LIPT1: variants seen among roughly 807,000 people sequenced by gnomAD.
LIPT1 encodes the protein lipoyltransferase 1.
A neutral mutation model predicts 25.1 loss-of-function variants in LIPT1; 22 were observed. The ratio of observed to expected loss-of-function variants is 0.88; its 90% CI spans 0.63 to 1.25. The LOEUF (loss-of-function observed/expected upper bound fraction) is 1.25. LIPT1 is among the 50% of genes most tolerant of loss of function. The probability of loss-of-function intolerance (pLI) is 0.00; values close to 1 mark genes in which losing one functional copy is unlikely to be tolerated. For synonymous variants in LIPT1, 131 were observed against 150.8 expected, an observed-to-expected ratio of 0.87 and a Z score of 0.96; for missense variants, 399 against 432.8, an observed-to-expected ratio of 0.92 and a Z score of 0.69.
chr2:99,158,878 A>C (rs1003963017), intron 1 of LIPT1, among the ~76,000 whole-genome samples: 1 of 152,026 alleles, frequency 6.6e-6, no homozygotes, highest in African/African-American at 2.4e-5. Flanking sequence ...AGTATCTCCC[A>C]CTAGATTGTG....
At position 99,162,021 on chromosome 2, in the gene LIPT1, G is replaced by A; in HGVS notation, c.64G>A (p.Ala22Thr). The change falls in exon 2 of 2, where the codon GCT becomes ACT. Residue 22 changes from alanine (A) to threonine (T), a missense_variant. By Grantham distance (58) the Ala-to-Thr change is moderately conservative. Transcript: ENST00000651691. ...QLLCNCQVPA[A>T]GFKKTVKNGL... Reference sequence around the variant, plus strand: ...ACTTTGTAACTGCCAGGTCCCAGCAGCTGGCTTTAAAAAAACAGTAAAAAA... The same window carrying A: ...ACTTTGTAACTGCCAGGTCCCAGCAACTGGCTTTAAAAAAACAGTAAAAAA... 1 of 1,613,788 alleles carries A rather than the reference G, an allele frequency of 6.2e-7. No individual in the cohort carries two copies. Among genetic ancestry groups the A allele is most frequent in the Non-Finnish European group, 8.5e-7 (1 of 1,179,830 alleles).
chr2:99,155,455 A>G (rs1292540429), intron 1 of LIPT1: 1 of 455,672 alleles, frequency 2.2e-6, no homozygotes, highest in South Asian at 1.5e-5. Context: ...AGAAAGATAG[A>G]TGGGATTGTG....
chr2:99,162,842 A>C lies in LIPT1; in HGVS notation c.885A>C (p.Glu295Asp), dbSNP rs900402356. Residue 295 changes from glutamate (E) to aspartate (D), a missense_variant, in exon 2 of 2, where the codon GAA becomes GAC. Transcript: ENST00000651691. ...FHVLYEQSHL[E>D]IKVFIDIKNG... ...TGTTATATGAACAGTCACACTTGGAAATTAAAGTATTCATAGACATAAAGA... is the reference window on the plus strand; with the variant it reads ...TGTTATATGAACAGTCACACTTGGACATTAAAGTATTCATAGACATAAAGA... 4.3e-6 allele frequency: 7 copies of C among 1,613,724 alleles called. No homozygotes were observed. The highest frequency in any genetic ancestry group is 4.2e-6 in the Non-Finnish European group (5 of 1,179,708).
chr2:99,162,175 T>C lies in LIPT1; in HGVS notation c.218T>C (p.Val73Ala). ...LFFWQNSPSV[V>A]IGRHQNPWQE... is the part of the protein sequence containing the mutation. ...TTTTGGCAGAATTCTCCCTCTGTTG[T>C]AATTGGTAGGCATCAAAATCCTTGG... Residue 73 changes from valine (V) to alanine (A), a missense_variant, in exon 2 of 2, where the codon GTA (valine) becomes GCA (alanine). Coordinates refer to ENST00000651691, the MANE Select transcript of LIPT1 (RefSeq NM_145199.3). 1.2e-6 allele frequency: 2 copies of C among 1,614,056 alleles called. No individual in the cohort carries two copies. Among genetic ancestry groups the C allele is most frequent in the Non-Finnish European group, 1.7e-6 (2 of 1,179,944 alleles).
rs769524315 is a variant in LIPT1 at position 99,162,454 on chromosome 2, C to T, written c.497C>T (p.Ala166Val). 6.2e-7 allele frequency: 1 copy of T among 1,614,006 alleles called. No individual in the cohort carries two copies. Among genetic ancestry groups the T allele is most frequent in the Admixed American group, 1.7e-5 (1 of 60,022 alleles). The stretch of plus-strand genomic sequence containing the variant: ...GGACAGTTTAAAATCTCAGGAACAG[C>T]TTCTAAGATCGGCCGGACTACTGCC... ...LDGQFKISGT[A>V]SKIGRTTAYH... The change falls in exon 2 of 2, where the codon GCT (alanine) becomes GTT (valine). Residue 166 changes from alanine (A) to valine (V), a missense_variant. By Grantham distance (64) the Ala-to-Val change is moderately conservative. Transcript: ENST00000651691.
In LIPT1 at chr2:99,162,263, A is replaced by G. The variant is rs376450888; in HGVS notation, c.306A>G (p.Gly102=). The G allele has an allele frequency of 1.2e-6, 2 of 1,613,208 alleles. No individual in the cohort carries two copies. Among genetic ancestry groups the G allele is most frequent in the Middle Eastern group, 1.6e-4 (1 of 6,062 alleles). The stretch of plus-strand genomic sequence containing the variant: ...TAAAACTGGCTCGGAGAAGAAGTGG[A>G]GGAGGAACAGTCTACCATGATATGG... ...EGIKLARRRS[G]GGTVYHDMGN... is the part of the protein sequence containing the mutation. Residue 102 remains glycine, a synonymous_variant, in exon 2 of 2, where the codon GGA becomes GGG. Transcript: ENST00000651691.
At chr2:99,161,822 TA>T in intron 1 of LIPT1, 134 bp from the exon 2 acceptor site, 1 of 660,242 alleles carries the variant, frequency 1.5e-6, no homozygotes, top group Non-Finnish European at 2.5e-6. Context: ...AGACTAATTG[TA>T]AAGCTAAAAG....
At chr2:99,159,225 G>A (rs1225817008) in intron 1 of LIPT1, among the ~76,000 whole-genome samples, 3 of 152,026 alleles carry the variant, frequency 2.0e-5, no homozygotes, top group East Asian at 3.9e-4. Context: ...CACCATGCCC[G>A]GCTAATTTTT....
At position 99,155,547 on chromosome 2, in the gene LIPT1, A is replaced by G. The variant is rs78674009; in HGVS notation, c.-2+496A>G. Reference sequence around the variant, plus strand: ...GAAGTGTCCCAAGAACATGGAAGGTAAGGAAGTCTTCCGAGGAAAAACTTC... The same window carrying G: ...GAAGTGTCCCAAGAACATGGAAGGTGAGGAAGTCTTCCGAGGAAAAACTTC... On this transcript the variant is annotated intron_variant, in intron 1 of 1. Transcript: ENST00000651691. The G allele has an allele frequency of 1.2e-3, 533 of 455,424 alleles. 2 individuals are homozygous for G. Among genetic ancestry groups the G allele is most frequent in the Non-Finnish European group, 1.5e-3 (333 of 226,710 alleles). 28.2% of individuals were successfully genotyped at this position (455,424 alleles called of 1,614,324 possible). A position where few individuals can be genotyped will look rare whatever the true frequency, so the allele number is the denominator to read the frequency against.
At position 99,162,885 on chromosome 2, in the gene LIPT1, T is replaced by C; in HGVS notation, c.928T>C (p.Cys310Arg). Residue 310 changes from cysteine (C) to arginine (R), a missense_variant, in exon 2 of 2, where the codon TGT becomes CGT. Transcript: ENST00000651691. The stretch of plus-strand genomic sequence containing the variant: ...CATAAAGAATGGAAGAATTGAAATT[T>C]GTAATATTGAAGCACCTGATCATTG... ...IDIKNGRIEI[C>R]NIEAPDHWLP... 6.2e-7 allele frequency: 1 copy of C among 1,612,950 alleles called. No individual in the cohort carries two copies. Among genetic ancestry groups the C allele is most frequent in the South Asian group, 1.1e-5 (1 of 90,948 alleles).
At chr2:99,161,348 T>G (rs866093949) in intron 1 of LIPT1, 5 of 112,696 alleles carry the variant, frequency 4.4e-5, no homozygotes, top group South Asian at 2.9e-4. Context: ...AGATTGAATG[T>G]CGAATGAAAT....
Position 99,162,599 on chromosome 2 carries a change from T to C in LIPT1, c.642T>C (p.Asn214=), listed in dbSNP as rs760068425. The C allele has an allele frequency of 6.2e-7, 1 of 1,614,102 alleles. No individual in the cohort carries two copies. The highest frequency in any genetic ancestry group is 8.5e-7 in the Non-Finnish European group (1 of 1,180,030). Residue 214 remains asparagine, a synonymous_variant, in exon 2 of 2, where the codon AAT becomes AAC. Coordinates refer to ENST00000651691, the MANE Select transcript of LIPT1 (RefSeq NM_145199.3). ...CTAGCATACCTTCCTTAGTGAAAAATCTTTTGGAAAAGGATCCCACTCTGA... is the reference window on the plus strand; with the variant it reads ...CTAGCATACCTTCCTTAGTGAAAAACCTTTTGGAAAAGGATCCCACTCTGA... ...ATASIPSLVK[N]LLEKDPTLTC...
chr2:99,156,462 C>A (rs1336459369), intron 1 of LIPT1: 1 of 152,272 alleles, frequency 6.6e-6, no homozygotes, highest in Non-Finnish European at 1.5e-5. Flanking sequence ...CGGGGTTTCA[C>A]CATGTTGGCC....
At chr2:99,157,741 C>T (rs1021215540) in intron 1 of LIPT1, among the ~76,000 whole-genome samples, 1 of 152,186 alleles carries the variant, frequency 6.6e-6, no homozygotes, top group African/African-American at 2.4e-5. Context: ...TTCTGTATGT[C>T]CGTTAAATGT....
intron 1 of LIPT1, among the ~76,000 whole-genome samples, chr2:99,161,203 G>C (rs1396025923): frequency 7.4e-6 from 1 of 135,322 alleles, no homozygotes; most frequent in Non-Finnish European, 1.5e-5. Flanking sequence ...GGTGAGCCAA[G>C]ATCACGCCAC....
At chr2:99,161,872 A>T in intron 1 of LIPT1, 85 bp from the exon 2 acceptor site, 1 of 1,252,286 alleles carries the variant, frequency 8.0e-7, no homozygotes, top group Non-Finnish European at 1.1e-6. Flanking sequence ...GTTTGGATTA[A>T]ATAACCGATA....
In LIPT1 at chr2:99,155,079, G is replaced by C. The variant is rs1279018428; in HGVS notation, c.-2+28G>C. On this transcript the variant is annotated intron_variant, in intron 1 of 1. Transcript: ENST00000651691. ...GGGTGAAGCGGAAACGCTTCAAACCGGGATGTTGCGGGCCGTAGCGCGTGG... is the reference window on the plus strand; with the variant it reads ...GGGTGAAGCGGAAACGCTTCAAACCCGGATGTTGCGGGCCGTAGCGCGTGG... 2.0e-5 allele frequency: 9 copies of C among 454,816 alleles called. No individual in the cohort carries two copies. The Admixed American group carries it at 2.1e-4, about 11-fold the overall frequency. The allele number at this position is 454,816 out of a possible 1,614,324, so 28.2% of individuals were successfully genotyped here.
chr2:99,162,774 T>G lies in LIPT1; in HGVS notation c.817T>G (p.Tyr273Asp). 1 of 1,614,134 alleles carries G rather than the reference T, an allele frequency of 6.2e-7. No individual in the cohort carries two copies. Among genetic ancestry groups the G allele is most frequent in the Non-Finnish European group, 8.5e-7 (1 of 1,179,962 alleles). Residue 273 changes from tyrosine to aspartate, a missense_variant, in exon 2 of 2, where the codon TAT (tyrosine) becomes GAT (aspartate). By Grantham distance (160) the Tyr-to-Asp change is radical (BLOSUM62 -3). Transcript: ENST00000651691. Reference sequence around the variant, plus strand: ...AGAACTGCAAACTTGGGAGTGGATATATGGCAAAACTCCAAAGTTTAGTAT... The same window carrying G: ...AGAACTGCAAACTTGGGAGTGGATAGATGGCAAAACTCCAAAGTTTAGTAT... Reference protein sequence around the residue: ...AKELQTWEWIYGKTPKFSINT... With the variant: ...AKELQTWEWIDGKTPKFSINT...
At chr2:99,158,403 G>A (rs1283699931) in intron 1 of LIPT1, among the ~76,000 whole-genome samples, 2 of 137,746 alleles carry the variant, frequency 1.5e-5, no homozygotes, top group South Asian at 2.3e-4. Context: ...AGACCAGCCT[G>A]GACAACAAAG....
Sources: gnomAD v4.1 joint callset for allele counts (sites outside exome capture counted in the v4.1 genomes callset) on GRCh38, gnomAD v4.1.1 for gene constraint, MANE v1.5 for transcripts, NCBI Gene and HGNC (gene_info 2026-07-23, HGNC 2026-07-21) for gene names.